The following PYGB variants were observed in gnomAD, a reference collection of about 807,000 sequenced individuals.
PYGB encodes the protein glycogen phosphorylase B.
In PYGB, 82 loss-of-function variants were observed where a neutral mutation model predicts 94.3. That is an observed-to-expected ratio of 0.87 (90% CI 0.73 to 1.04). PYGB has a LOEUF of 1.04. Ranked by LOEUF, PYGB falls within the 50% of genes least tolerant of loss-of-function variation. The pLI is 0.00. For synonymous variants in PYGB, 488 were observed against 479.1 expected (o/e 1.02, Z -0.24); for missense variants, 1,132 against 1,158.2 (o/e 0.98, Z 0.33).
intron 1 of PYGB, among the ~76,000 whole-genome samples, chr20:25,256,495 CAAAAAA>C (rs1240050396): frequency 8.3e-6 from 1 of 120,124 alleles, no homozygotes; most frequent in African/African-American, 3.3e-5. Flanking sequence ...AACTCTGTCT[CAAAAAA>C]AAAAAAACAA....
chr20:25,250,558 G>T (rs189780455), intron 1 of PYGB, among the ~76,000 whole-genome samples: 1 of 152,102 alleles, frequency 6.6e-6, no homozygotes, highest in Non-Finnish European at 1.5e-5. Flanking sequence ...TGCTTCTTTC[G>T]CTAATTCATG....
At chr20:25,250,391 CT>C (rs898331171) in intron 1 of PYGB, among the ~76,000 whole-genome samples, 2 of 152,136 alleles carry the variant, frequency 1.3e-5, no homozygotes, top group African/African-American at 4.8e-5. Context: ...CGTGAGATCT[CT>C]TTTGATTGTC....
chr20:25,255,422 C>T (rs566780923), intron 1 of PYGB, among the ~76,000 whole-genome samples: 1 of 152,342 alleles, frequency 6.6e-6, no homozygotes, highest in South Asian at 2.1e-4. Context: ...AGCCCCCGCT[C>T]CAAGGCCTGG....
At chr20:25,266,971 C>T (rs931137783) in intron 2 of PYGB, among the ~76,000 whole-genome samples, 3 of 152,198 alleles carry the variant, frequency 2.0e-5, no homozygotes, top group Non-Finnish European at 1.5e-5. Flanking sequence ...TGTAGCCTAG[C>T]AATTCCATTC....
chr20:25,283,654 C>T (rs1350841252), intron 13 of PYGB, among the ~76,000 whole-genome samples: 6 of 152,218 alleles, frequency 3.9e-5, no homozygotes, highest in East Asian at 3.9e-4. Flanking sequence ...CTGTCTGCAC[C>T]GGCAGCAGCC....
At position 25,269,200 on chromosome 20, in the gene PYGB, G is replaced by A. The variant is rs781297743; in HGVS notation, c.417G>A (p.Arg139=). The A allele has an allele frequency of 1.3e-6, 2 of 1,587,154 alleles. No homozygotes were observed. The highest frequency in any genetic ancestry group is 1.7e-6 in the Non-Finnish European group (2 of 1,156,246). The part of the protein sequence containing the change: ...DAGLGNGGLG[R]LAACFLDSMA... ...GCCTTGGGAATGGAGGCCTGGGGAGGCTGGCAGGTAAGTTGCCCCATCCAG... is the reference window on the plus strand; with the variant it reads ...GCCTTGGGAATGGAGGCCTGGGGAGACTGGCAGGTAAGTTGCCCCATCCAG... The change falls in exon 3 of 20, where the codon AGG becomes AGA. Residue 139 remains arginine (R), a synonymous_variant. Coordinates refer to ENST00000216962, the MANE Select transcript of PYGB (RefSeq NM_002862.4).
At chr20:25,275,185 C>T (rs1267225127) in intron 5 of PYGB, among the ~76,000 whole-genome samples, 1 of 152,260 alleles carries the variant, frequency 6.6e-6, no homozygotes, top group Admixed American at 6.5e-5. Flanking sequence ...GCTCTCAAAG[C>T]GTCAACTGTC....
chr20:25,278,277 A>ATAGCCC (rs1555807141), intron 7 of PYGB, 42 bp from the exon 8 acceptor site: 1 of 436,100 alleles, frequency 2.3e-6, no homozygotes. Flanking sequence ...GGGGAGGAGA[A>ATAGCCC]TGGCCCAGCC....
intron 14 of PYGB, 73 bp downstream of exon 14, chr20:25,284,324 G>A: frequency 1.9e-6 from 3 of 1,556,750 alleles, no homozygotes; most frequent in South Asian, 2.4e-5. Flanking sequence ...GCTGTGCACA[G>A]ACCCTGGGCC....
At chr20:25,278,218 C>T in intron 7 of PYGB, 101 bp from the exon 8 acceptor site, 4 of 1,323,766 alleles carry the variant, frequency 3.0e-6, no homozygotes, top group Admixed American at 5.1e-5. Context: ...GGGCTCCTCT[C>T]GGCCTTCTGC....
chr20:25,292,813 G>A (rs6083794), intron 17 of PYGB, among the ~76,000 whole-genome samples, 200 bp downstream of exon 17: 1 of 152,124 alleles, frequency 6.6e-6, no homozygotes, highest in Non-Finnish European at 1.5e-5. Context: ...CTGCGGGCGA[G>A]GCCCACGTGG....
chr20:25,296,561 T>C lies in PYGB; in HGVS notation c.*39T>C. ...TGGCGGGACCAGCGGGCATTTGTTTTCTTGCTGACTTTGCACCTCCTTTTT... is the reference window on the plus strand; with the variant it reads ...TGGCGGGACCAGCGGGCATTTGTTTCCTTGCTGACTTTGCACCTCCTTTTT... On this transcript the variant is annotated 3_prime_UTR_variant, in exon 20 of 20. Coordinates refer to ENST00000216962, the MANE Select transcript of PYGB (RefSeq NM_002862.4). 1 of 1,582,184 alleles carries C rather than the reference T, an allele frequency of 6.3e-7. No individual in the cohort carries two copies. The highest frequency in any genetic ancestry group is 8.6e-7 in the Non-Finnish European group (1 of 1,164,594).
At chr20:25,276,568 G>A (rs900092168) in intron 5 of PYGB, 78 bp from the exon 6 acceptor site, 18 of 1,229,614 alleles carry the variant, frequency 1.5e-5, no homozygotes, top group Middle Eastern at 4.8e-4. Context: ...TGCCCAGGAG[G>A]AGGCTGGGCC....
intron 14 of PYGB, among the ~76,000 whole-genome samples, chr20:25,287,384 CCT>C (rs2088427418): frequency 1.3e-5 from 2 of 152,212 alleles, no homozygotes; most frequent in African/African-American, 4.8e-5. Context: ...GTGGCTCACC[CCT>C]GTAATCCCAG....
chr20:25,248,502 G>A lies in PYGB; in HGVS notation c.243+81G>A, dbSNP rs1459475868. On this transcript the variant is annotated intron_variant, in intron 1 of 19. Transcript: ENST00000216962. Reference sequence around the variant, plus strand: ...GAGCCGCGCCAGCGGGGGTCTCTGCGGGGCGGCCCGTCGGGCGTTACCTGC... The same window carrying A: ...GAGCCGCGCCAGCGGGGGTCTCTGCAGGGCGGCCCGTCGGGCGTTACCTGC... 1.8e-5 allele frequency: 23 copies of A among 1,266,108 alleles called. No homozygotes were observed. In the East Asian group the frequency reaches 7.0e-4, roughly 38 times the overall value. 78.4% of individuals were successfully genotyped at this position (1,266,108 alleles called of 1,614,324 possible).
chr20:25,255,059 G>A (rs1016909438), intron 1 of PYGB, among the ~76,000 whole-genome samples: 2 of 152,220 alleles, frequency 1.3e-5, no homozygotes, highest in Non-Finnish European at 2.9e-5. Context: ...GGGAAGCCAA[G>A]TTTCCCTGGC....
At chr20:25,250,436 T>G (rs2092884477) in intron 1 of PYGB, among the ~76,000 whole-genome samples, 1 of 152,244 alleles carries the variant, frequency 6.6e-6, no homozygotes, top group Non-Finnish European at 1.5e-5. Context: ...AACCTTTCTC[T>G]TAAACCGCAC....
intron 5 of PYGB, among the ~76,000 whole-genome samples, chr20:25,275,124 T>C (rs552461442): frequency 1.3e-5 from 2 of 152,342 alleles, no homozygotes; most frequent in Admixed American, 6.5e-5. Flanking sequence ...ACTATCTCTG[T>C]GGAGCACACG....
At chr20:25,278,173 C>A in intron 7 of PYGB, 146 bp from the exon 8 acceptor site, 1 of 888,780 alleles carries the variant, frequency 1.1e-6, no homozygotes, top group Non-Finnish European at 1.6e-6. Context: ...GACCTGAGGG[C>A]ACACAGGCAG....
Sources: gnomAD v4.1 joint callset for allele counts (sites outside exome capture counted in the v4.1 genomes callset) on GRCh38, gnomAD v4.1.1 for gene constraint, MANE v1.5 for transcripts, NCBI Gene and HGNC (gene_info 2026-07-23, HGNC 2026-07-21) for gene names.